The following LGR6 variants were observed in gnomAD, a reference collection of about 807,000 sequenced individuals.
LGR6 encodes the protein leucine rich repeat containing G protein-coupled receptor 6.
LGR6 carries 45 observed loss-of-function variants against 69.4 expected under a neutral mutation model. The observed-to-expected ratio is 0.65, with a 90% confidence interval of 0.51 to 0.83. The LOEUF (loss-of-function observed/expected upper bound fraction) is 0.83. Ranked by LOEUF, LGR6 falls within the 40% of genes least tolerant of loss-of-function variation. The pLI, the probability that LGR6 is intolerant of heterozygous loss-of-function variation, is 0.00. For missense variants in LGR6, 1,108 were observed against 1,246.7 expected, an observed-to-expected ratio of 0.89 and a Z score of 1.68; for synonymous variants, 538 against 555.0, an observed-to-expected ratio of 0.97 and a Z score of 0.43.
At chr1:202,223,033 G>A (rs1181795178) in intron 1 of LGR6, among the ~76,000 whole-genome samples, 2 of 151,136 alleles carry the variant, frequency 1.3e-5, no homozygotes, top group African/African-American at 2.4e-5. Flanking sequence ...CCCCGGAGGC[G>A]AAGGTTGCAG....
intron 4 of LGR6, among the ~76,000 whole-genome samples, chr1:202,266,106 T>TAA (rs35998973): frequency 7.0e-6 from 1 of 143,870 alleles, no homozygotes; most frequent in Admixed American, 6.9e-5. Flanking sequence ...CTTTCCAGAT[T>TAA]AAAAAAAAAA....
At chr1:202,265,502 G>C (rs555871748) in intron 4 of LGR6, among the ~76,000 whole-genome samples, 12 of 152,216 alleles carry the variant, frequency 7.9e-5, no homozygotes, top group Admixed American at 5.9e-4. Flanking sequence ...GTCTCTGGGG[G>C]CCCCCCATTG....
chr1:202,274,873 T>C (rs545388996), intron 4 of LGR6, among the ~76,000 whole-genome samples: 2 of 152,322 alleles, frequency 1.3e-5, no homozygotes, highest in South Asian at 4.1e-4. Context: ...GGGAAGTCTT[T>C]CCTAACTACA....
At chr1:202,307,425 C>A in intron 14 of LGR6, 24 bp downstream of exon 14, 1 of 1,609,854 alleles carries the variant, frequency 6.2e-7, no homozygotes, top group Non-Finnish European at 8.5e-7. Flanking sequence ...GCATTCTCCT[C>A]CAGGATGCTG....
intron 7 of LGR6, among the ~76,000 whole-genome samples, chr1:202,298,249 C>T (rs2148248647): frequency 6.6e-6 from 1 of 152,260 alleles, no homozygotes; most frequent in Middle Eastern, 3.4e-3. Flanking sequence ...GTGGAAAGAT[C>T]ATTGTGGACA....
intron 4 of LGR6, among the ~76,000 whole-genome samples, chr1:202,257,601 G>A (rs1291096920): frequency 6.6e-6 from 1 of 152,030 alleles, no homozygotes; most frequent in Non-Finnish European, 1.5e-5. Context: ...AATTGTCTTA[G>A]CACTGTTCTT....
At chr1:202,238,348 T>A (rs1661789739) in intron 4 of LGR6, among the ~76,000 whole-genome samples, 1 of 147,246 alleles carries the variant, frequency 6.8e-6, no homozygotes, top group Admixed American at 6.8e-5. Flanking sequence ...GCAATCCACC[T>A]ACCTTGGTCT....
chr1:202,206,967 G>T (rs1659267509), intron 1 of LGR6, among the ~76,000 whole-genome samples: 1 of 151,742 alleles, frequency 6.6e-6, no homozygotes, highest in Non-Finnish European at 1.5e-5. Context: ...ACCCAGGCTG[G>T]AGTGCAATGG....
chr1:202,263,558 C>A (rs1300532326), intron 4 of LGR6, among the ~76,000 whole-genome samples: 4 of 152,076 alleles, frequency 2.6e-5, no homozygotes, highest in African/African-American at 9.7e-5. Flanking sequence ...CATTTCCTCC[C>A]TAGGCTAGAG....
intron 6 of LGR6, among the ~76,000 whole-genome samples, chr1:202,283,614 T>A (rs1666178433): frequency 6.6e-6 from 1 of 152,058 alleles, no homozygotes; most frequent in Non-Finnish European, 1.5e-5. Flanking sequence ...CTCCTCTAAG[T>A]GGGGAAAGCG....
intron 1 of LGR6, among the ~76,000 whole-genome samples, chr1:202,220,740 A>C (rs940526739): frequency 1.3e-5 from 2 of 151,986 alleles, no homozygotes; most frequent in East Asian, 3.9e-4. Context: ...GGGTTCTGGG[A>C]GCACCTCACA....
At chr1:202,236,421 G>A (rs769537836) in intron 4 of LGR6, 1 of 188,990 alleles carries the variant, frequency 5.3e-6, no homozygotes, top group Non-Finnish European at 1.1e-5. Context: ...AAGGAGGCTA[G>A]GCTCAGATAC....
chr1:202,195,965 T>G (rs1412302977), intron 1 of LGR6, among the ~76,000 whole-genome samples: 1 of 152,156 alleles, frequency 6.6e-6, no homozygotes, highest in Non-Finnish European at 1.5e-5. Context: ...CTTGCCACAA[T>G]TCCCTCGGAG....
intron 11 of LGR6, 145 bp from the exon 12 acceptor site, chr1:202,305,539 G>A: frequency 1.5e-6 from 1 of 687,796 alleles, no homozygotes; most frequent in South Asian, 1.7e-5. Context: ...GGTGTGAGAT[G>A]CCTCAACAGC....
intron 6 of LGR6, among the ~76,000 whole-genome samples, chr1:202,296,930 T>C (rs1253621421): frequency 6.6e-6 from 1 of 152,176 alleles, no homozygotes; most frequent in Non-Finnish European, 1.5e-5. Context: ...TTTTAAAAAT[T>C]ACCTTTATAA....
intron 4 of LGR6, among the ~76,000 whole-genome samples, chr1:202,244,746 T>C (rs1393146075): frequency 1.3e-5 from 2 of 152,210 alleles, no homozygotes; most frequent in Non-Finnish European, 2.9e-5. Flanking sequence ...GGAAGTTGTA[T>C]ATCTTCTGGG....
rs1240187720 is a variant in LGR6, at chr1:202,263,057, G to A, written c.429-13249G>A. On this transcript the variant is annotated intron_variant, in intron 4 of 17. Transcript: ENST00000367278. ...TGTTTCAGAGAGGTCATGATTTCTT[G>A]TACCTTACTGAGGGTGTCAAATAAC... Among the ~76,000 whole-genome samples, 4 of 151,050 alleles carry A rather than the reference G, an allele frequency of 2.6e-5. No homozygotes were observed. The East Asian group carries it at 5.8e-4, about 22-fold the overall frequency.
rs751398391 is a variant in LGR6 at position 202,318,445 on chromosome 1, C to T, written c.2142C>T (p.Ser714=). The change falls in exon 18 of 18, where the codon TCC becomes TCT. Residue 714 remains serine, a synonymous_variant. Transcript: ENST00000367278. ...PLASVGEYGA[S]PLCLPYAPPE... The stretch of plus-strand genomic sequence containing the variant: ...CCTCAGTGGGAGAATACGGGGCCTC[C>T]CCACTCTGCCTGCCCTACGCGCCAC... 5.6e-6 allele frequency: 9 copies of T among 1,612,488 alleles called. No homozygotes were observed. The highest frequency in any genetic ancestry group is 7.6e-6 in the Non-Finnish European group (9 of 1,179,554).
At chr1:202,287,900 A>C (rs79398880) in intron 6 of LGR6, among the ~76,000 whole-genome samples, 2,149 of 152,266 alleles carry the variant, frequency 0.014, 59 homozygotes, top group African/African-American at 0.049. Context: ...GTCATCCTAC[A>C]ATCTGTTTTC....
Sources: gnomAD v4.1 joint callset for allele counts (sites outside exome capture counted in the v4.1 genomes callset) on GRCh38, gnomAD v4.1.1 for gene constraint, MANE v1.5 for transcripts, NCBI Gene and HGNC (gene_info 2026-07-23, HGNC 2026-07-21) for gene names.